SIL1: variants seen among roughly 807,000 people sequenced by gnomAD.
SIL1 encodes the protein nucleotide exchange factor SIL1.
A neutral mutation model predicts 49.1 loss-of-function variants in SIL1; 40 were observed. That is an observed-to-expected ratio of 0.81 (90% CI 0.63 to 1.06). SIL1 has a LOEUF of 1.06. SIL1 is among the 50% of genes least tolerant of loss of function. The probability of loss-of-function intolerance (pLI) is 0.00; values close to 1 mark genes in which losing one functional copy is unlikely to be tolerated. For missense variants in SIL1, 500 were observed against 572.6 expected (o/e 0.87, Z 1.29); for synonymous variants, 253 against 250.8 (o/e 1.01, Z -0.08).
intron 5 of SIL1, chr5:139,032,944 T>G (rs1047921013): frequency 1.3e-5 from 2 of 152,196 alleles, no homozygotes; most frequent in Admixed American, 1.3e-4. Flanking sequence ...AATTTTTATC[T>G]TAGTGCTTTA....
intron 3 of SIL1, among the ~76,000 whole-genome samples, chr5:139,116,422 G>A (rs925352736): frequency 1.3e-5 from 2 of 152,028 alleles, no homozygotes; most frequent in African/African-American, 4.8e-5. Context: ...TCTCACAGCC[G>A]CCTGGAGTCA....
At chr5:139,051,274 G>C (rs1581060091) in intron 3 of SIL1, 1 of 564,956 alleles carries the variant, frequency 1.8e-6, no homozygotes, top group Non-Finnish European at 3.2e-6. Context: ...AGATGGGCAA[G>C]AGGATTCACA....
Position 139,127,836 on chromosome 5 carries a change from G to C in SIL1, c.8C>G (p.Pro3Arg). ...CATCCTAGATGAAGGCAGGCTCTGG[G>C]GAGCCATAGTCAGGGACCTGCAGGT... MA[P>R]QSLPSSRMAP... is the part of the protein sequence containing the mutation. Residue 3 changes from proline (P) to arginine (R), a missense_variant, in exon 2 of 10, where the codon CCC (proline) becomes CGC (arginine). By Grantham distance (103) the Pro-to-Arg change is moderately radical. Transcript: ENST00000394817. The C allele has an allele frequency of 6.2e-7, 1 of 1,602,542 alleles. No individual in the cohort carries two copies. The highest frequency in any genetic ancestry group is 8.5e-7 in the Non-Finnish European group (1 of 1,174,814).
At chr5:138,968,556 G>A (rs983023947) in intron 7 of SIL1, among the ~76,000 whole-genome samples, 1 of 152,068 alleles carries the variant, frequency 6.6e-6, no homozygotes, top group Non-Finnish European at 1.5e-5. Flanking sequence ...AGAAACACTC[G>A]CTGACCTCCT....
At chr5:139,003,854 C>T (rs1362446191) in intron 7 of SIL1, among the ~76,000 whole-genome samples, 1 of 152,198 alleles carries the variant, frequency 6.6e-6, no homozygotes, top group Non-Finnish European at 1.5e-5. Flanking sequence ...TTTCTAATAA[C>T]CTCAGCCCGT....
chr5:138,989,259 T>C (rs1767706443), intron 7 of SIL1, among the ~76,000 whole-genome samples: 1 of 152,134 alleles, frequency 6.6e-6, no homozygotes, highest in Non-Finnish European at 1.5e-5. Context: ...AAGAATCTTA[T>C]ATATCCCAGC....
At chr5:139,027,278 C>T (rs192208309) in intron 5 of SIL1, among the ~76,000 whole-genome samples, 89 of 152,270 alleles carry the variant, frequency 5.8e-4, no homozygotes, top group Non-Finnish European at 1.1e-3. Context: ...GGCTTTTTGT[C>T]ACAACCACTG....
intron 6 of SIL1, among the ~76,000 whole-genome samples, chr5:139,023,733 T>C (rs1280907087): frequency 4.6e-5 from 7 of 152,214 alleles, no homozygotes; most frequent in Non-Finnish European, 1.5e-5. Flanking sequence ...GAAAGTGCCA[T>C]CTTCCTTAAA....
At chr5:139,125,554 T>C (rs977297208) in intron 2 of SIL1, among the ~76,000 whole-genome samples, 6 of 152,174 alleles carry the variant, frequency 3.9e-5, no homozygotes, top group Admixed American at 2.0e-4. Flanking sequence ...AGCATCCCCA[T>C]ACTAAAAAAC....
At chr5:139,193,189 GTT>G (rs1752206853) in intron 1 of SIL1, among the ~76,000 whole-genome samples, 1 of 152,106 alleles carries the variant, frequency 6.6e-6, no homozygotes, top group East Asian at 1.9e-4. Context: ...GGGAAAAAAA[GTT>G]AGATATTACA....
intron 3 of SIL1, among the ~76,000 whole-genome samples, chr5:139,063,577 A>AT (rs781418361): frequency 2.8e-4 from 42 of 152,184 alleles, no homozygotes; most frequent in Non-Finnish European, 5.3e-4. Flanking sequence ...TCAAAAATAC[A>AT]TTTTTTTAAA....
At chr5:139,122,798 C>G (rs1750672154) in intron 2 of SIL1, among the ~76,000 whole-genome samples, 1 of 152,052 alleles carries the variant, frequency 6.6e-6, no homozygotes, top group African/African-American at 2.4e-5. Flanking sequence ...TACTAAGGAC[C>G]AATAAGGAAA....
At chr5:139,016,224 A>G (rs1768394899) in intron 7 of SIL1, among the ~76,000 whole-genome samples, 1 of 152,214 alleles carries the variant, frequency 6.6e-6, no homozygotes, top group Non-Finnish European at 1.5e-5. Context: ...GTAGACTCAA[A>G]TATCACTCAA....
Position 139,091,981 on chromosome 5 carries a change from C to T in SIL1, c.244+29054G>A, listed in dbSNP as rs112862370. The stretch of plus-strand genomic sequence containing the variant: ...TAAGTGGACTGTGTGAGATCTTAGG[C>T]CATCTAGTTTGGCTGAAACAGCAGA... On this transcript the variant is annotated intron_variant, in intron 3 of 9. Coordinates refer to ENST00000394817, the MANE Select transcript of SIL1 (RefSeq NM_022464.5). 5.8e-3 allele frequency among the ~76,000 whole-genome samples: 888 copies of T among 152,246 alleles called. 4 individuals are homozygous for T. The highest frequency in any genetic ancestry group is 0.02 in the African/African-American group (847 of 41,530).
intron 9 of SIL1, among the ~76,000 whole-genome samples, chr5:138,949,090 T>C (rs772644572): frequency 2.0e-5 from 3 of 152,248 alleles, no homozygotes; most frequent in Non-Finnish European, 2.9e-5. Context: ...CTGATAAACA[T>C]CTGCCTGAAA....
At chr5:139,017,896 G>T (rs1484130852) in intron 7 of SIL1, among the ~76,000 whole-genome samples, 1 of 152,168 alleles carries the variant, frequency 6.6e-6, no homozygotes, top group African/African-American at 2.4e-5. Flanking sequence ...TCAGGTCACA[G>T]AAAGGCCAAT....
At chr5:138,953,658 G>A (rs76464576) in intron 7 of SIL1, among the ~76,000 whole-genome samples, 79 of 149,426 alleles carry the variant, frequency 5.3e-4, no homozygotes, top group Admixed American at 1.5e-3. Context: ...CGCTGGCGCA[G>A]GGGGGCCTGG....
chr5:138,947,619 C>G lies in SIL1; in HGVS notation c.1030-146G>C, dbSNP rs531973970. The stretch of plus-strand genomic sequence containing the variant: ...TGAGGGCCCACCTCTTCCTCTATCC[C>G]CAAGTCTGTCTGTCTATTCATTCAT... On this transcript the variant is annotated intron_variant, in intron 9 of 9. Transcript: ENST00000394817. The surrounding 1 kb of genome is among the most constrained non-coding windows in gnomAD (Gnocchi z 4.1). 8.7e-6 allele frequency: 6 copies of G among 690,866 alleles called. No individual in the cohort carries two copies. Among genetic ancestry groups the G allele is most frequent in the Non-Finnish European group, 1.3e-5 (5 of 384,216 alleles). 42.8% of individuals were successfully genotyped at this position (690,866 alleles called of 1,614,324 possible). A position where few individuals can be genotyped will look rare whatever the true frequency, so the allele number is the denominator to read the frequency against.
chr5:138,974,511 C>G (rs911419531), intron 7 of SIL1, among the ~76,000 whole-genome samples: 4 of 152,224 alleles, frequency 2.6e-5, no homozygotes, highest in Admixed American at 2.0e-4. Flanking sequence ...GAATAATCCA[C>G]TCAGCTGATT....
Sources: allele counts gnomAD v4.1 joint callset (sites outside exome capture counted in the v4.1 genomes callset), GRCh38; gene constraint gnomAD v4.1.1; non-coding constraint Gnocchi (gnomAD v3.1); transcripts MANE v1.5; gene names NCBI Gene and HGNC (gene_info 2026-07-23, HGNC 2026-07-21).